Variants in CUX1 observed in about 807,000 individuals in gnomAD.
CUX1 encodes the protein cut like homeobox 1, also known as protein CASP.
In CUX1, 31 loss-of-function variants were observed where a neutral mutation model predicts 158.8. The ratio of observed to expected loss-of-function variants is 0.20; its 90% confidence interval spans 0.15 to 0.26. CUX1 has a LOEUF of 0.26. Ranked by LOEUF, CUX1 falls within the 10% of genes least tolerant of loss-of-function variation. The probability of loss-of-function intolerance (pLI) is 1.00; values close to 1 mark genes in which losing one functional copy is unlikely to be tolerated. For missense variants in CUX1, 1,589 were observed against 2,014.6 expected (o/e 0.79, Z 4.04); for synonymous variants, 879 against 862.1 (o/e 1.02, Z -0.34).
At chr7:102,220,478 C>G (rs1159030387) in intron 20 of CUX1, among the ~76,000 whole-genome samples, 2 of 152,238 alleles carry the variant, frequency 1.3e-5, no homozygotes, top group Non-Finnish European at 2.9e-5. Context: ...AGGGTCAGTT[C>G]CGGAGCAGGT....
In CUX1 at chr7:102,111,751, A is replaced by G. The variant is rs782582750; in HGVS notation, c.584A>G (p.His195Arg). 1 of 1,614,200 alleles carries G rather than the reference A, an allele frequency of 6.2e-7. No homozygotes were observed. Among genetic ancestry groups the G allele is most frequent in the Non-Finnish European group, 8.5e-7 (1 of 1,179,998 alleles). Residue 195 changes from histidine (H) to arginine (R), a missense_variant, in exon 7 of 24, where the codon CAT (histidine) becomes CGT (arginine). Physicochemically the swap from His to Arg is conservative, Grantham distance 29. Around this residue, in one of 8 missense-constraint regions of CUX1, gnomAD observed 515 missense variants for 574.4 expected, o/e 0.90. Coordinates refer to ENST00000292535, the MANE Select transcript of CUX1 (RefSeq NM_181552.4). ...STTSKLEEAE[H>R]KVQSLQTALE... ...ACCTCAAAGCTGGAGGAAGCTGAGC[A>G]TAAGGTTCAGAGCCTACAAACAGGT...
chr7:102,255,477 AC>A lies in CUX1; in HGVS notation c.*6436del. The A allele has an allele frequency of 1.0e-6, 1 of 984,942 alleles. No homozygotes were observed. The highest frequency in any genetic ancestry group is 1.1e-4 in the East Asian group (1 of 8,816). The allele number at this position is 984,942 out of a possible 1,614,324, so 61.0% of individuals were successfully genotyped here. On this transcript the variant is annotated 3_prime_UTR_variant, in exon 24 of 24. Transcript: ENST00000292535. ...ACTTCCCCCATGCCCCCGTTCTTAA[AC>A]TCTTAAGATGCCTTTGAGTTGCTTT...
intron 2 of CUX1, among the ~76,000 whole-genome samples, chr7:101,969,405 T>C (rs1012674792): frequency 6.9e-6 from 1 of 144,674 alleles, no homozygotes; most frequent in African/African-American, 2.6e-5. Flanking sequence ...GATTTTCCTG[T>C]ACTGTAAAGA....
intron 3 of CUX1, among the ~76,000 whole-genome samples, chr7:102,034,483 T>C (rs1454429214): frequency 1.3e-5 from 2 of 151,904 alleles, no homozygotes; most frequent in Admixed American, 6.6e-5. Context: ...GGCCGGGCAC[T>C]GTGGCTCACA....
chr7:101,967,880 T>A (rs992302959), intron 2 of CUX1, among the ~76,000 whole-genome samples: 9 of 152,160 alleles, frequency 5.9e-5, no homozygotes, highest in Non-Finnish European at 7.3e-5. Flanking sequence ...GGAATCATAA[T>A]GCTCTAGGGT....
exon 23 of CUX1, chr7:102,283,632 C>G (rs1468100293): frequency 1.3e-5 from 2 of 154,626 alleles, no homozygotes; most frequent in Non-Finnish European, 2.9e-5. Flanking sequence ...CCCCCTCCCC[C>G]ACTGCACCCC....
chr7:102,168,134 C>T (rs1791259303), intron 9 of CUX1, among the ~76,000 whole-genome samples: 1 of 151,762 alleles, frequency 6.6e-6, no homozygotes, highest in South Asian at 2.1e-4. Context: ...CCAGAAATCA[C>T]CTCTACAGTC....
At chr7:102,178,440 AGTTTT>A in intron 10 of CUX1, 24 bp from the exon 11 acceptor site, 1 of 1,568,302 alleles carries the variant, frequency 6.4e-7, no homozygotes, top group South Asian at 1.2e-5. Context: ...AGGCCAGCGC[AGTTTT>A]GTCATCTCTT....
Position 102,104,381 on chromosome 7 carries a change from A to G in CUX1, c.452A>G (p.Gln151Arg). Reference protein sequence around the residue: ...ALKEKIREYEQTLKNQAETIA... With the variant: ...ALKEKIREYERTLKNQAETIA... ...AAAGAGAAAATCCGAGAATATGAAC[A>G]GACACTGAAGAACCAAGCCGAAACC... The change falls in exon 6 of 24, where the codon CAG becomes CGG. Residue 151 changes from glutamine (Q) to arginine (R), a missense_variant. Physicochemically the swap from Gln to Arg is conservative, Grantham distance 43 (BLOSUM62 1). Transcript: ENST00000292535. The G allele has an allele frequency of 6.2e-7, 1 of 1,612,268 alleles. No homozygotes were observed. Among genetic ancestry groups the G allele is most frequent in the Non-Finnish European group, 8.5e-7 (1 of 1,179,762 alleles).
intron 4 of CUX1, among the ~76,000 whole-genome samples, chr7:102,095,281 G>T (rs1433100527): frequency 1.3e-5 from 2 of 152,082 alleles, no homozygotes; most frequent in Non-Finnish European, 2.9e-5. Context: ...AAAGTGCTGG[G>T]ATTACAGGCA....
intron 8 of CUX1, among the ~76,000 whole-genome samples, chr7:102,140,503 C>T (rs1834326028): frequency 6.6e-6 from 1 of 151,626 alleles, no homozygotes; most frequent in Non-Finnish European, 1.5e-5. Context: ...GCCTTAGCCT[C>T]CCAAAGTGCT....
chr7:102,100,715 C>G (rs917946190), intron 5 of CUX1, among the ~76,000 whole-genome samples: 17 of 151,938 alleles, frequency 1.1e-4, no homozygotes, highest in Non-Finnish European at 1.0e-4. Flanking sequence ...GCCTATAATC[C>G]TAGCACTTTG....
At position 102,205,537 on chromosome 7, in the gene CUX1, GGGA is replaced by G. The variant is rs527531116; in HGVS notation, c.3130+368_3130+370del. Among the ~76,000 whole-genome samples, 656 of 152,194 alleles carry G rather than the reference GGGA, an allele frequency of 4.3e-3. 3 individuals carry two copies. The highest frequency in any genetic ancestry group is 0.015 in the African/African-American group (603 of 41,458). On this transcript the variant is annotated intron_variant, in intron 20 of 23. Transcript: ENST00000292535. ...CCCTCTCCTGGTGGGGTCATGTCGGGGGACTTCTTATCTAACCGGAAGACATCC... is the reference window on the plus strand; with the variant it reads ...CCCTCTCCTGGTGGGGTCATGTCGGGCTTCTTATCTAACCGGAAGACATCC...
chr7:102,198,195 G>A (rs1168021595), intron 15 of CUX1, among the ~76,000 whole-genome samples: 1 of 152,196 alleles, frequency 6.6e-6, no homozygotes, highest in Non-Finnish European at 1.5e-5. Flanking sequence ...AGGAGGTGGA[G>A]GCTGCAGTGA....
At chr7:102,268,281 G>A (rs1563519625) in intron 14 of CUX1, among the ~76,000 whole-genome samples, 1 of 152,244 alleles carries the variant, frequency 6.6e-6, no homozygotes, top group Middle Eastern at 3.4e-3. Context: ...TCGGGCACAC[G>A]TTACTGCTCT....
At chr7:102,147,057 C>A (rs561799132) in intron 8 of CUX1, among the ~76,000 whole-genome samples, 15 of 152,092 alleles carry the variant, frequency 9.9e-5, no homozygotes, top group Non-Finnish European at 1.9e-4. Context: ...ATGAAAACCG[C>A]TATTTCCAGA....
Position 102,126,175 on chromosome 7 carries a change from G to A in CUX1, c.674+10902G>A, listed in dbSNP as rs1287838263. The stretch of plus-strand genomic sequence containing the variant: ...ACTACAAGTGTGCACCACCATTTCC[G>A]GCTGTGTGTGTGTGTGTGTGTGTGT... On this transcript the variant is annotated intron_variant, in intron 8 of 23. Coordinates refer to ENST00000292535, the MANE Select transcript of CUX1 (RefSeq NM_181552.4). Among the ~76,000 whole-genome samples the A allele has an allele frequency of 4.0e-5, 5 of 125,896 alleles. No individual in the cohort carries two copies. The East Asian group carries it at 1.1e-3, about 27-fold the overall frequency. The allele number at this position is 125,896 out of a possible 152,430, so 82.6% of individuals were successfully genotyped here.
chr7:102,087,601 C>T (rs1828079271), intron 4 of CUX1, among the ~76,000 whole-genome samples: 1 of 152,042 alleles, frequency 6.6e-6, no homozygotes, highest in Non-Finnish European at 1.5e-5. Flanking sequence ...TGAAAAGTAA[C>T]CATCTTTAAC....
At chr7:102,150,627 C>T (rs1214166633) in intron 8 of CUX1, among the ~76,000 whole-genome samples, 10 of 152,222 alleles carry the variant, frequency 6.6e-5, no homozygotes, top group Admixed American at 5.9e-4. Flanking sequence ...CACCGTGCCC[C>T]GATGCCACGC....
Sources: allele counts gnomAD v4.1 joint callset (sites outside exome capture counted in the v4.1 genomes callset), GRCh38; gene constraint gnomAD v4.1.1; regional missense constraint gnomAD v4.1.1; transcripts MANE v1.5; gene names NCBI Gene and HGNC (gene_info 2026-07-23, HGNC 2026-07-21).